Variants in PTPRM observed in about 807,000 individuals in gnomAD.
The protein encoded by PTPRM is receptor-type tyrosine-protein phosphatase mu.
PTPRM carries 47 observed loss-of-function variants against 186.7 expected under a neutral mutation model. That is an observed-to-expected ratio of 0.25 (90% CI 0.20 to 0.32). PTPRM has a LOEUF of 0.32. Ranked by LOEUF, PTPRM falls within the 10% of genes least tolerant of loss-of-function variation. PTPRM has a pLI of 1.00. For missense variants in PTPRM, 1,494 were observed against 1,865.0 expected (o/e 0.80, Z 3.66); for synonymous variants, 668 against 674.9 (o/e 0.99, Z 0.16).
intron 2 of PTPRM, among the ~76,000 whole-genome samples, chr18:7,847,597 G>T (rs961821782): frequency 6.6e-5 from 10 of 152,114 alleles, no homozygotes; most frequent in African/African-American, 2.4e-4. Context: ...CCTTTCCAGA[G>T]CTCAGCTCAC....
At chr18:7,580,775 TTA>T in intron 1 of PTPRM, among the ~76,000 whole-genome samples, 1 of 152,344 alleles carries the variant, frequency 6.6e-6, no homozygotes, top group East Asian at 1.9e-4. Flanking sequence ...ATGTACCATA[TTA>T]TGTCTCCCTC....
intron 13 of PTPRM, among the ~76,000 whole-genome samples, chr18:8,130,636 G>A (rs1009345820): frequency 1.3e-5 from 2 of 152,152 alleles, no homozygotes; most frequent in African/African-American, 4.8e-5. Context: ...ATAGGAAAGT[G>A]TACCTCAGGG....
intron 1 of PTPRM, among the ~76,000 whole-genome samples, chr18:7,579,947 G>A (rs2036799462): frequency 6.6e-6 from 1 of 152,182 alleles, no homozygotes; most frequent in Non-Finnish European, 1.5e-5. Flanking sequence ...ATATTGGTCT[G>A]TTAAAGCACT....
intron 1 of PTPRM, among the ~76,000 whole-genome samples, chr18:7,694,871 G>GT: frequency 6.6e-6 from 1 of 152,152 alleles, no homozygotes; most frequent in East Asian, 1.9e-4. Flanking sequence ...TTAAATTGAA[G>GT]TTAAAAAAAA....
At chr18:8,256,162 G>A (rs1214942940) in intron 19 of PTPRM, among the ~76,000 whole-genome samples, 1 of 152,156 alleles carries the variant, frequency 6.6e-6, no homozygotes, top group Non-Finnish European at 1.5e-5. Flanking sequence ...CACCCACCCA[G>A]AGTCAAGAGT....
intron 14 of PTPRM, among the ~76,000 whole-genome samples, chr18:8,163,705 G>C (rs1391162725): frequency 6.6e-6 from 1 of 152,180 alleles, no homozygotes; most frequent in Non-Finnish European, 1.5e-5. Context: ...TGATTAATGA[G>C]CACCATTAAC....
At chr18:7,800,647 TTACAG>T (rs1311284747) in intron 2 of PTPRM, among the ~76,000 whole-genome samples, 2 of 152,186 alleles carry the variant, frequency 1.3e-5, no homozygotes, top group African/African-American at 2.4e-5. Context: ...AATTTAAAGG[TTACAG>T]TTGGTCATAT....
At chr18:8,238,235 T>C (rs1189354176) in intron 14 of PTPRM, among the ~76,000 whole-genome samples, 1 of 152,254 alleles carries the variant, frequency 6.6e-6, no homozygotes, top group African/African-American at 2.4e-5. Context: ...ACATGTAAGT[T>C]ACACCTTTTG....
intron 32 of PTPRM, chr18:8,403,468 C>T (rs1003103037): frequency 2.0e-5 from 3 of 152,030 alleles, no homozygotes; most frequent in South Asian, 2.1e-4. Flanking sequence ...TCCTACCAGC[C>T]GTGTAATGCA....
At chr18:8,167,290 C>A (rs1177188908) in intron 14 of PTPRM, among the ~76,000 whole-genome samples, 1 of 152,246 alleles carries the variant, frequency 6.6e-6, no homozygotes, top group Non-Finnish European at 1.5e-5. Context: ...CTCCTCCTAT[C>A]TGGTACCACA....
intron 5 of PTPRM, among the ~76,000 whole-genome samples, chr18:7,942,732 G>A (rs1263955837): frequency 6.6e-6 from 1 of 152,096 alleles, no homozygotes; most frequent in African/African-American, 2.4e-5. Context: ...GTATGCCAAG[G>A]TGCCATATTT....
At chr18:7,984,602 TACACAC>T (rs1555676946) in intron 7 of PTPRM, among the ~76,000 whole-genome samples, 24 of 87,156 alleles carry the variant, frequency 2.8e-4, no homozygotes, top group African/African-American at 9.3e-4. Context: ...TATATATATA[TACACAC>T]ACACACACAC....
chr18:8,323,560 A>G (rs1463981209), intron 22 of PTPRM, among the ~76,000 whole-genome samples: 2 of 152,200 alleles, frequency 1.3e-5, no homozygotes, highest in African/African-American at 4.8e-5. Context: ...TAGGTGCCTC[A>G]ATGCCCACTT....
chr18:8,010,299 C>G (rs1484565524), intron 7 of PTPRM, among the ~76,000 whole-genome samples: 2 of 152,118 alleles, frequency 1.3e-5, no homozygotes, highest in East Asian at 3.9e-4. Context: ...TTTTCAAAAG[C>G]CTTCGGTGAC....
chr18:7,854,178 GT>G (rs1225028070), intron 2 of PTPRM, among the ~76,000 whole-genome samples: 2 of 152,186 alleles, frequency 1.3e-5, no homozygotes, highest in Admixed American at 1.3e-4. Context: ...TTTTGAAGAA[GT>G]GGTTGTCTAC....
In PTPRM at chr18:7,890,638, A is replaced by T. The variant is rs952802240; in HGVS notation, c.468+2261A>T. ...TTTAAAATTGTTAAAAAATTTAGAT[A>T]TGCTTAAATCTAGCAGTCCACTATT... On this transcript the variant is annotated intron_variant, in intron 3 of 32. Transcript: ENST00000580170. 7.2e-5 allele frequency among the ~76,000 whole-genome samples: 11 copies of T among 152,312 alleles called. No individual in the cohort carries two copies. In the East Asian group the frequency reaches 7.7e-4, roughly 11 times the overall value.
chr18:7,779,654 G>T (rs1213947443), intron 2 of PTPRM, among the ~76,000 whole-genome samples: 2 of 152,200 alleles, frequency 1.3e-5, no homozygotes, highest in Non-Finnish European at 2.9e-5. Flanking sequence ...TCAGGTCTTA[G>T]AGAGTAACAA....
At chr18:7,799,112 CCA>C (rs2043821277) in intron 2 of PTPRM, among the ~76,000 whole-genome samples, 1 of 152,058 alleles carries the variant, frequency 6.6e-6, no homozygotes, top group African/African-American at 2.4e-5. Context: ...AATTTATTTC[CCA>C]CAGTTCTGGA....
intron 23 of PTPRM, among the ~76,000 whole-genome samples, chr18:8,368,652 G>A (rs1265132543): frequency 6.6e-6 from 1 of 152,160 alleles, no homozygotes; most frequent in African/African-American, 2.4e-5. Flanking sequence ...GAAATAACCA[G>A]CCACATAGCT....
Sources: allele counts gnomAD v4.1 joint callset (sites outside exome capture counted in the v4.1 genomes callset), GRCh38; gene constraint gnomAD v4.1.1; transcripts MANE v1.5; gene names NCBI Gene and HGNC (gene_info 2026-07-23, HGNC 2026-07-21).